Variants in MCF2L2 observed in about 807,000 individuals in gnomAD.
MCF2L2 encodes MCF.2 cell line derived transforming sequence-like 2, also known as probable guanine nucleotide exchange factor MCF2L2.
A neutral mutation model predicts 150.2 loss-of-function variants in MCF2L2; 102 were observed. The ratio of observed to expected loss-of-function variants is 0.68; its 90% confidence interval spans 0.58 to 0.80. The LOEUF is 0.80. MCF2L2 is among the 30% of genes least tolerant of loss of function. The probability of loss-of-function intolerance (pLI) is 0.00; values close to 1 mark genes in which losing one functional copy is unlikely to be tolerated. For missense variants in MCF2L2, 1,256 were observed against 1,372.8 expected, an observed-to-expected ratio of 0.91 and a Z score of 1.34; for synonymous variants, 465 against 491.3, an observed-to-expected ratio of 0.95 and a Z score of 0.71.
chr3:183,205,284 G>A (rs1002145646), intron 25 of MCF2L2, among the ~76,000 whole-genome samples: 40 of 152,138 alleles, frequency 2.6e-4, no homozygotes, highest in African/African-American at 9.7e-4. Flanking sequence ...GGCTGAGGCA[G>A]GAGAATCACT....
intron 1 of MCF2L2, among the ~76,000 whole-genome samples, chr3:183,415,466 C>T (rs1487150352): frequency 1.4e-4 from 21 of 152,150 alleles, no homozygotes; most frequent in Admixed American, 1.3e-3. Context: ...GGATTACAGG[C>T]GTCAGCCACC....
intron 15 of MCF2L2, chr3:183,271,289 C>T (rs188432305): frequency 2.7e-4 from 49 of 179,098 alleles, no homozygotes; most frequent in African/African-American, 5.3e-4. Flanking sequence ...ACCAAATGAA[C>T]GTACAGTACA....
chr3:183,406,819 G>A (rs1215220337), intron 1 of MCF2L2, among the ~76,000 whole-genome samples: 5 of 151,986 alleles, frequency 3.3e-5, no homozygotes, highest in African/African-American at 7.3e-5. Flanking sequence ...CCAGATGGTG[G>A]GTTGTCTTTT....
At chr3:183,391,647 G>A (rs924436580) in intron 1 of MCF2L2, among the ~76,000 whole-genome samples, 1 of 152,194 alleles carries the variant, frequency 6.6e-6, no homozygotes, top group Non-Finnish European at 1.5e-5. Context: ...CTGACAAAAT[G>A]TGGATAATTA....
chr3:183,250,920 C>T (rs1033725553), intron 15 of MCF2L2, among the ~76,000 whole-genome samples: 3 of 152,174 alleles, frequency 2.0e-5, no homozygotes, highest in African/African-American at 7.2e-5. Flanking sequence ...ACCATTCATC[C>T]GCCCATTGGG....
At chr3:183,276,381 A>G (rs1200951674) in intron 15 of MCF2L2, among the ~76,000 whole-genome samples, 2 of 152,218 alleles carry the variant, frequency 1.3e-5, no homozygotes, top group Non-Finnish European at 2.9e-5. Context: ...AGGTATCATG[A>G]TGGGGATTCT....
At chr3:183,290,398 T>A (rs1248559247) in intron 13 of MCF2L2, among the ~76,000 whole-genome samples, 1 of 152,194 alleles carries the variant, frequency 6.6e-6, no homozygotes, top group East Asian at 1.9e-4. Context: ...GCATTGTGGG[T>A]GATGGCCACA....
intron 3 of MCF2L2, among the ~76,000 whole-genome samples, chr3:183,359,802 A>C (rs1712016938): frequency 6.6e-6 from 1 of 152,208 alleles, no homozygotes; most frequent in African/African-American, 2.4e-5. Flanking sequence ...TTTTGCACCA[A>C]GACCTGACAC....
intron 1 of MCF2L2, among the ~76,000 whole-genome samples, chr3:183,392,787 G>A (rs952349564): frequency 6.6e-6 from 1 of 152,124 alleles, no homozygotes; most frequent in Non-Finnish European, 1.5e-5. Context: ...CCCCAGTAAA[G>A]TACACTTATG....
chr3:183,393,895 G>C (rs1714303634), intron 1 of MCF2L2, among the ~76,000 whole-genome samples: 1 of 152,170 alleles, frequency 6.6e-6, no homozygotes, highest in Admixed American at 6.5e-5. Flanking sequence ...TCTCAACACT[G>C]TCTGACTGCT....
At chr3:183,349,806 G>GT (rs939361371) in intron 3 of MCF2L2, among the ~76,000 whole-genome samples, 20 of 151,984 alleles carry the variant, frequency 1.3e-4, no homozygotes, top group Non-Finnish European at 2.1e-4. Flanking sequence ...CCCTTCCACT[G>GT]TTTTTTTCAC....
In MCF2L2 at chr3:183,257,958, C is replaced by CTTTTTTTTTTTT. The variant is rs35323502; in HGVS notation, c.1862+18902_1862+18913dup. 2.4e-3 allele frequency among the ~76,000 whole-genome samples: 155 copies of CTTTTTTTTTTTT among 64,742 alleles called. 27 individuals carry two copies. Among genetic ancestry groups the CTTTTTTTTTTTT allele is most frequent in the African/African-American group, 9.4e-3 (136 of 14,400 alleles). 42.5% of individuals were successfully genotyped at this position (64,742 alleles called of 152,430 possible). A position where few individuals can be genotyped will look rare whatever the true frequency, so the allele number is the denominator to read the frequency against. ...TATTCCTTGCTCCCTCCACTTCACCCTTTTTTTTTTTTTTTTTTTTTTTTT... is the reference window on the plus strand; with the variant it reads ...TATTCCTTGCTCCCTCCACTTCACCCTTTTTTTTTTTTTTTTTTTTTTTTTTTTTTTTTTTTT... On this transcript the variant is annotated intron_variant, in intron 15 of 29. Transcript: ENST00000328913.
intron 15 of MCF2L2, 63 bp downstream of exon 15, chr3:183,276,809 G>A (rs1450138496): frequency 8.8e-7 from 1 of 1,132,626 alleles, no homozygotes; most frequent in Non-Finnish European, 1.3e-6. Flanking sequence ...GTAAAAGAGA[G>A]GATCCTCGCC....
intron 1 of MCF2L2, among the ~76,000 whole-genome samples, chr3:183,416,462 C>T (rs992096773): frequency 9.9e-5 from 15 of 152,062 alleles, no homozygotes; most frequent in African/African-American, 3.6e-4. Context: ...AATATATATA[C>T]CCAACAGTAC....
intron 22 of MCF2L2, 49 bp from the exon 23 acceptor site, chr3:183,207,872 G>A (rs775876218): frequency 3.5e-6 from 5 of 1,433,166 alleles, no homozygotes; most frequent in South Asian, 1.2e-5. Flanking sequence ...TTACTTGACA[G>A]AGAAAGAAGC....
chr3:183,316,859 T>C (rs984262545), intron 7 of MCF2L2, among the ~76,000 whole-genome samples: 6 of 151,292 alleles, frequency 4.0e-5, no homozygotes, highest in Admixed American at 2.0e-4. Context: ...GCACCTGCCA[T>C]CAAGCCTGGC....
chr3:183,361,016 A>AGACCAGATAAGAC (rs1560040154), intron 3 of MCF2L2, among the ~76,000 whole-genome samples: 2 of 141,058 alleles, frequency 1.4e-5, no homozygotes, highest in African/African-American at 5.9e-5. Context: ...AAGAAAAGAA[A>AGACCAGATAAGAC]AGAAAAGAGA....
In MCF2L2 at chr3:183,401,445, T is replaced by TA. The variant is rs1714751250; in HGVS notation, c.77-11667dup. The stretch of plus-strand genomic sequence containing the variant: ...AAAAAAAAATTTTTTTAAAGGTTTT[T>TA]AACTTAATTTGGGGGGAGGGATAAA... On this transcript the variant is annotated intron_variant, in intron 1 of 29. Coordinates refer to ENST00000328913, the MANE Select transcript of MCF2L2 (RefSeq NM_015078.4). Among the ~76,000 whole-genome samples the TA allele has an allele frequency of 2.0e-5, 3 of 152,298 alleles. No individual in the cohort carries two copies. The South Asian group carries it at 6.2e-4, about 32-fold the overall frequency.
At chr3:183,229,534 C>G in intron 17 of MCF2L2, 132 bp downstream of exon 17, 1 of 509,608 alleles carries the variant, frequency 2.0e-6, no homozygotes, top group Non-Finnish European at 3.5e-6. Context: ...CCACCCCAAT[C>G]CAATCCACTG....
Sources: allele counts gnomAD v4.1 joint callset (sites outside exome capture counted in the v4.1 genomes callset), GRCh38; gene constraint gnomAD v4.1.1; transcripts MANE v1.5; gene names NCBI Gene and HGNC (gene_info 2026-07-23, HGNC 2026-07-21).